The following WDR44 variants were observed in gnomAD, a reference collection of about 807,000 sequenced individuals.
The protein encoded by WDR44 is WD repeat domain 44.
A neutral mutation model predicts 65.7 loss-of-function variants in WDR44; 9 were observed. The ratio of observed to expected loss-of-function variants is 0.14; its 90% confidence interval spans 0.08 to 0.24. The LOEUF (loss-of-function observed/expected upper bound fraction) is 0.24, where lower values mean the gene tolerates loss of function less well. Among genes scored for constraint, WDR44 ranks in the 10% least tolerant of loss-of-function variants. The probability of loss-of-function intolerance (pLI) is 1.00; values close to 1 mark genes in which losing one functional copy is unlikely to be tolerated. For missense variants in WDR44, 425 were observed against 670.9 expected (o/e 0.63, Z 4.05); for synonymous variants, 220 against 235.2 (o/e 0.94, Z 0.59).
At chrX:118,367,349 C>CT (rs200302383) in intron 1 of WDR44, among the ~76,000 whole-genome samples, 96 of 111,704 alleles carry the variant, frequency 8.6e-4, no homozygotes, top group Non-Finnish European at 1.5e-3. Flanking sequence ...TGATTCTGCT[C>CT]TTTTTTTGTG....
intron 12 of WDR44, among the ~76,000 whole-genome samples, chrX:118,430,196 T>G (rs1446879175): frequency 5.6e-5 from 6 of 106,824 alleles, no homozygotes; most frequent in East Asian, 2.8e-4. Context: ...ATTTTTCTGT[T>G]TTTTTTTTTT....
At chrX:118,399,708 C>G in intron 8 of WDR44, among the ~76,000 whole-genome samples, 2 of 111,623 alleles carry the variant, frequency 1.8e-5, no homozygotes, top group Admixed American at 1.9e-4. Flanking sequence ...AGTGTCTGAG[C>G]TTACTGCAAA....
In WDR44 at chrX:118,449,148, G is replaced by T. The variant is rs1023743269; in HGVS notation, c.*161G>T. ...AGTGTTAATGATCTAGGAAACCCTG[G>T]GCTGATAGAGTAGAAAGGAATATGG... is the stretch of plus-strand genomic sequence containing the variant. On this transcript the variant is annotated 3_prime_UTR_variant, in exon 20 of 20. Coordinates refer to ENST00000254029, the MANE Select transcript of WDR44 (RefSeq NM_019045.5). 22 of 341,190 alleles carry T rather than the reference G, an allele frequency of 6.4e-5. No individual in the cohort carries two copies. The highest frequency in any genetic ancestry group is 4.7e-4 in the African/African-American group (18 of 38,167). 28.1% of individuals were successfully genotyped at this position (341,190 alleles called of 1,213,427 possible).
chrX:118,356,050 T>C (rs929180698), intron 1 of WDR44, among the ~76,000 whole-genome samples: 1 of 112,304 alleles, frequency 8.9e-6, no homozygotes, highest in Admixed American at 9.5e-5. Flanking sequence ...GAAAGAAATA[T>C]TATAGTGCTA....
At chrX:118,412,466 G>T (rs912044755) in intron 12 of WDR44, among the ~76,000 whole-genome samples, 1 of 111,493 alleles carries the variant, frequency 9.0e-6, no homozygotes, top group African/African-American at 3.3e-5. Context: ...TCAGGTTTGA[G>T]ACAGGGAGAC....
At chrX:118,367,592 A>G (rs1167205907) in intron 1 of WDR44, among the ~76,000 whole-genome samples, 1 of 111,894 alleles carries the variant, frequency 8.9e-6, no homozygotes, top group African/African-American at 3.2e-5. Flanking sequence ...GAACCAGCAA[A>G]GAAACTTGGG....
chrX:118,389,551 T>C (rs1263738238), intron 3 of WDR44, among the ~76,000 whole-genome samples: 1 of 109,228 alleles, frequency 9.2e-6, no homozygotes, highest in Admixed American at 9.8e-5. Flanking sequence ...AGAAACCCCA[T>C]CTCTACTAAA....
intron 12 of WDR44, among the ~76,000 whole-genome samples, chrX:118,421,042 C>T: frequency 9.0e-6 from 1 of 111,290 alleles, no homozygotes; most frequent in African/African-American, 3.3e-5. Context: ...CCTATTGTTC[C>T]CCTTATTTGG....
intron 14 of WDR44, among the ~76,000 whole-genome samples, chrX:118,437,693 C>T (rs1455663586): frequency 8.9e-6 from 1 of 111,812 alleles, no homozygotes; most frequent in Non-Finnish European, 1.9e-5. Flanking sequence ...ATATACTTTC[C>T]TTCCCTGAGC....
At chrX:118,384,078 G>A (rs910107640) in intron 2 of WDR44, among the ~76,000 whole-genome samples, 8 of 108,056 alleles carry the variant, frequency 7.4e-5, no homozygotes, top group African/African-American at 2.7e-4. Flanking sequence ...AGGTCTCACT[G>A]TGTTGCCCAG....
At chrX:118,364,896 C>G (rs754616122) in intron 1 of WDR44, among the ~76,000 whole-genome samples, 1 of 112,425 alleles carries the variant, frequency 8.9e-6, no homozygotes, top group South Asian at 3.7e-4. Context: ...AGTCCTAGTT[C>G]TGCTGCATAA....
At chrX:118,398,623 T>C (rs1443976955) in intron 8 of WDR44, among the ~76,000 whole-genome samples, 153 bp downstream of exon 8, 1 of 112,712 alleles carries the variant, frequency 8.9e-6, no homozygotes, top group Admixed American at 9.4e-5. Flanking sequence ...TGAAGTTGTA[T>C]TGATTAGTTT....
intron 6 of WDR44, among the ~76,000 whole-genome samples, chrX:118,396,517 T>C (rs754168489): frequency 8.9e-6 from 1 of 112,325 alleles, no homozygotes; most frequent in African/African-American, 3.2e-5. Flanking sequence ...TGCTACAACA[T>C]GGATAAACCT....
chrX:118,439,028 C>T (rs1028720371), intron 14 of WDR44, among the ~76,000 whole-genome samples: 70 of 107,529 alleles, frequency 6.5e-4, no homozygotes, highest in Non-Finnish European at 6.9e-4. Flanking sequence ...TCAAGTGATC[C>T]GCCTGCCTCA....
chrX:118,353,945 T>C (rs1298826514), intron 1 of WDR44, among the ~76,000 whole-genome samples: 1 of 112,403 alleles, frequency 8.9e-6, no homozygotes, highest in Non-Finnish European at 1.9e-5. Flanking sequence ...AGAAAACTAA[T>C]AGGAAGTGTT....
At chrX:118,371,361 G>A (rs1320967863) in intron 1 of WDR44, among the ~76,000 whole-genome samples, 1 of 110,956 alleles carries the variant, frequency 9.0e-6, no homozygotes, top group Non-Finnish European at 1.9e-5. Context: ...TTAGTTAGGA[G>A]GAATAAGTTC....
chrX:118,426,301 A>C (rs905519059), intron 12 of WDR44, among the ~76,000 whole-genome samples: 1 of 111,734 alleles, frequency 8.9e-6, no homozygotes, highest in Non-Finnish European at 1.9e-5. Flanking sequence ...AGTAGGTAAA[A>C]TTTTGATAAT....
chrX:118,404,459 A>G lies in WDR44; in HGVS notation c.1381+15A>G. ...TAGAGATGAAGGTGAGTTAAAACAG[A>G]ACATTTCAACTAAACATTCAATTAA... On this transcript the variant is annotated intron_variant, in intron 9 of 19. Coordinates refer to ENST00000254029, the MANE Select transcript of WDR44 (RefSeq NM_019045.5). The G allele has an allele frequency of 9.4e-7, 1 of 1,068,678 alleles. No homozygotes were observed. The highest frequency in any genetic ancestry group is 1.3e-6 in the Non-Finnish European group (1 of 782,871). The allele number at this position is 1,068,678 out of a possible 1,213,427, so 88.1% of individuals were successfully genotyped here. A position where few individuals can be genotyped will look rare whatever the true frequency, so the allele number is the denominator to read the frequency against.
intron 14 of WDR44, 106 bp downstream of exon 14, chrX:118,436,930 C>T (rs1391693662): frequency 2.6e-6 from 2 of 758,233 alleles, no homozygotes; most frequent in Non-Finnish European, 3.6e-6. Flanking sequence ...TTAACAGCTA[C>T]ATAGTTATGA....
Sources: gnomAD v4.1 joint callset for allele counts (sites outside exome capture counted in the v4.1 genomes callset) on GRCh38, gnomAD v4.1.1 for gene constraint, MANE v1.5 for transcripts, NCBI Gene and HGNC (gene_info 2026-07-23, HGNC 2026-07-21) for gene names.